The following SYNJ2 variants were observed in gnomAD, a reference collection of about 807,000 sequenced individuals.
SYNJ2 encodes the protein polyphosphatidylinositol phosphatase SYNJ2.
In SYNJ2, 116 loss-of-function variants were observed where a neutral mutation model predicts 141.3. The ratio of observed to expected loss-of-function variants is 0.82; its 90% CI spans 0.71 to 0.96. The LOEUF (loss-of-function observed/expected upper bound fraction) is 0.96. Ranked by LOEUF, SYNJ2 falls within the 40% of genes least tolerant of loss-of-function variation. The pLI is 0.00. For synonymous variants in SYNJ2, 745 were observed against 777.7 expected (o/e 0.96, Z 0.70); for missense variants, 1,873 against 1,934.8 (o/e 0.97, Z 0.60).
At chr6:158,035,823 C>A (rs1002639604) in intron 4 of SYNJ2, among the ~76,000 whole-genome samples, 2 of 152,076 alleles carry the variant, frequency 1.3e-5, no homozygotes, top group East Asian at 3.9e-4. Flanking sequence ...TGGATCTAAC[C>A]AAACTAAAGA....
At chr6:158,031,613 G>A (rs1779365562) in intron 3 of SYNJ2, among the ~76,000 whole-genome samples, 1 of 128,882 alleles carries the variant, frequency 7.8e-6, no homozygotes, top group African/African-American at 3.1e-5. Flanking sequence ...CACTGTTGTG[G>A]CGCAGCGTGA....
rs542185487 is a variant in SYNJ2, at chr6:158,045,044, A to G, written c.795+1645A>G. ...CATGATGGATTCTTAGAATTTGGGA[A>G]GGACCCTTTGGAATTCATCCATTCC... On this transcript the variant is annotated intron_variant, in intron 5 of 26. Coordinates refer to ENST00000355585, the MANE Select transcript of SYNJ2 (RefSeq NM_003898.4). Among the ~76,000 whole-genome samples the G allele has an allele frequency of 7.3e-5, 11 of 151,558 alleles. No individual in the cohort carries two copies. The South Asian group carries it at 2.3e-3, about 32-fold the overall frequency.
chr6:158,043,289 T>C lies in SYNJ2; in HGVS notation c.712-27T>C, dbSNP rs202042091. 1 of 1,606,242 alleles carries C rather than the reference T, an allele frequency of 6.2e-7. No individual in the cohort carries two copies. Among genetic ancestry groups the C allele is most frequent in the Non-Finnish European group, 8.5e-7 (1 of 1,173,114 alleles). ...CGTTCGGTTTCATTGAAGAATACCTTTCCCTTTCTGTTTCCTTGTGCCGCA... is the reference window on the plus strand; with the variant it reads ...CGTTCGGTTTCATTGAAGAATACCTCTCCCTTTCTGTTTCCTTGTGCCGCA... On this transcript the variant is annotated intron_variant, in intron 4 of 26. Transcript: ENST00000355585. The surrounding 1 kb of genome is among the most constrained non-coding windows in gnomAD (Gnocchi z 4.0).
chr6:157,983,683 T>C (rs1042859428), intron 1 of SYNJ2, among the ~76,000 whole-genome samples: 41 of 152,350 alleles, frequency 2.7e-4, no homozygotes, highest in African/African-American at 9.9e-4. Flanking sequence ...AAGTTTGGGC[T>C]GAGATTTACA....
chr6:158,071,662 C>A lies in SYNJ2; in HGVS notation c.2001C>A (p.Ala667=). The part of the protein sequence containing the change: ...GMGGKAGNKG[A]VGIRFQFHST... The stretch of plus-strand genomic sequence containing the variant: ...GGGGCAAGGCGGGGAACAAGGGCGC[C>A]GTCGGCATCCGCTTCCAGTTCCACA... Residue 667 remains alanine, a synonymous_variant, in exon 15 of 27, where the codon GCC becomes GCA. Coordinates refer to ENST00000355585, the MANE Select transcript of SYNJ2 (RefSeq NM_003898.4). The surrounding 1 kb of genome is among the most constrained non-coding windows in gnomAD (Gnocchi z 4.3). 6.2e-7 allele frequency: 1 copy of A among 1,614,068 alleles called. No homozygotes were observed. The highest frequency in any genetic ancestry group is 8.5e-7 in the Non-Finnish European group (1 of 1,180,028).
intron 2 of SYNJ2, among the ~76,000 whole-genome samples, chr6:158,025,434 G>T (rs1365432457): frequency 2.0e-5 from 3 of 152,184 alleles, no homozygotes; most frequent in Non-Finnish European, 4.4e-5. Context: ...CCAGCACTTT[G>T]GGAGGCTGAG....
intron 1 of SYNJ2, among the ~76,000 whole-genome samples, chr6:157,998,955 A>G (rs1445813148): frequency 1.3e-5 from 2 of 152,142 alleles, no homozygotes; most frequent in Non-Finnish European, 2.9e-5. Flanking sequence ...AAAATGGAAA[A>G]CTCCAATATA....
Position 157,981,913 on chromosome 6 carries a change from C to G in SYNJ2, c.-49C>G. 1 of 1,219,910 alleles carries G rather than the reference C, an allele frequency of 8.2e-7. No individual in the cohort carries two copies. Among genetic ancestry groups the G allele is most frequent in the South Asian group, 4.1e-5 (1 of 24,250 alleles). 75.6% of individuals were successfully genotyped at this position (1,219,910 alleles called of 1,614,324 possible). A position where few individuals can be genotyped will look rare whatever the true frequency, so the allele number is the denominator to read the frequency against. ...CGGGGAGCTGTCGCGGGCAGCGCGC[C>G]CTCGGGAGGACGTGGCCCCGGCCCC... On this transcript the variant is annotated 5_prime_UTR_variant, in exon 1 of 27. Coordinates refer to ENST00000355585, the MANE Select transcript of SYNJ2 (RefSeq NM_003898.4). The surrounding 1 kb of genome is among the most constrained non-coding windows in gnomAD (Gnocchi z 6.4).
rs376391024 is a variant in SYNJ2, at chr6:158,075,255, G to A, written c.2292+517G>A. On this transcript the variant is annotated intron_variant, in intron 16 of 26. Coordinates refer to ENST00000355585, the MANE Select transcript of SYNJ2 (RefSeq NM_003898.4). ...TCAACCTTCTCCTCCTTCTAATACTGTTATTTTAGTGCCTGTTTGCTTCCT... is the reference window on the plus strand; with the variant it reads ...TCAACCTTCTCCTCCTTCTAATACTATTATTTTAGTGCCTGTTTGCTTCCT... Among the ~76,000 whole-genome samples the A allele has an allele frequency of 3.3e-5, 5 of 151,614 alleles. No homozygotes were observed. In the South Asian group the frequency reaches 8.4e-4, roughly 25 times the overall value.
intron 5 of SYNJ2, among the ~76,000 whole-genome samples, chr6:158,051,908 A>T (rs1158172406): frequency 6.6e-6 from 1 of 151,798 alleles, no homozygotes; most frequent in East Asian, 1.9e-4. Context: ...GTGAGCCGTG[A>T]TTGCACCTCT....
At chr6:158,057,664 A>AC (rs1161168695) in intron 6 of SYNJ2, among the ~76,000 whole-genome samples, 4 of 152,216 alleles carry the variant, frequency 2.6e-5, no homozygotes, top group Non-Finnish European at 5.9e-5. Context: ...GGGCTTTGGA[A>AC]CCAGTTGAGA....
At chr6:157,984,910 G>A (rs1376842728) in intron 1 of SYNJ2, among the ~76,000 whole-genome samples, 3 of 152,168 alleles carry the variant, frequency 2.0e-5, no homozygotes, top group Non-Finnish European at 4.4e-5. Context: ...TGAGAGACAA[G>A]TTGTGGTAAC....
chr6:158,062,362 C>T (rs1319502387), intron 8 of SYNJ2, 198 bp downstream of exon 8: 23 of 491,362 alleles, frequency 4.7e-5, no homozygotes, highest in African/African-American at 3.8e-4. Flanking sequence ...ATAAGCTTGG[C>T]GACGCCGGGA....
intron 1 of SYNJ2, among the ~76,000 whole-genome samples, chr6:157,984,840 C>A (rs1777139874): frequency 6.6e-6 from 1 of 152,190 alleles, no homozygotes; most frequent in African/African-American, 2.4e-5. Flanking sequence ...GGGGTAGCTT[C>A]CTTTTCTCTT....
intron 11 of SYNJ2, 143 bp from the exon 12 acceptor site, chr6:158,066,301 T>A: frequency 2.2e-6 from 2 of 901,320 alleles, no homozygotes; most frequent in Non-Finnish European, 3.3e-6. Context: ...AAGCCTTTTG[T>A]CGTCTTCGTA....
chr6:158,081,559 T>C, intron 20 of SYNJ2, 49 bp downstream of exon 20: 1 of 1,428,362 alleles, frequency 7.0e-7, no homozygotes, highest in Non-Finnish European at 9.8e-7. Flanking sequence ...TCAATCCCTC[T>C]TTTTATGTGG....
At chr6:158,020,907 G>A (rs774310836) in intron 2 of SYNJ2, among the ~76,000 whole-genome samples, 17 of 152,310 alleles carry the variant, frequency 1.1e-4, no homozygotes, top group Admixed American at 2.0e-4. Context: ...CGAGAAATAT[G>A]CACAAAAATT....
intron 26 of SYNJ2, among the ~76,000 whole-genome samples, chr6:158,094,393 G>GGA (rs1783667786): frequency 1.3e-5 from 1 of 78,004 alleles, no homozygotes. Context: ...CTACGGCTGG[G>GGA]CAAAAAAAAA....
chr6:158,096,702 T>G lies in SYNJ2; in HGVS notation c.*338T>G, dbSNP rs368069615. 1.0e-5 allele frequency: 2 copies of G among 196,992 alleles called. No homozygotes were observed. The highest frequency in any genetic ancestry group is 2.5e-4 in the South Asian group (2 of 7,846). The allele number at this position is 196,992 out of a possible 1,614,324, so 12.2% of individuals were successfully genotyped here. ...AATTTTTAAATGGCTGTTCAGTTCA[T>G]GTTGTACGTGATGGAGATTTGTCTT... On this transcript the variant is annotated 3_prime_UTR_variant, in exon 27 of 27. Coordinates refer to ENST00000355585, the MANE Select transcript of SYNJ2 (RefSeq NM_003898.4).
Sources: gnomAD v4.1 joint callset for allele counts (sites outside exome capture counted in the v4.1 genomes callset) on GRCh38, gnomAD v4.1.1 for gene constraint, Gnocchi (gnomAD v3.1) non-coding constraint, MANE v1.5 for transcripts, NCBI Gene and HGNC (gene_info 2026-07-23, HGNC 2026-07-21) for gene names.